RPS6KA3: variants seen among roughly 807,000 people sequenced by gnomAD.
RPS6KA3 encodes ribosomal protein S6 kinase alpha-3.
A neutral mutation model predicts 67.2 loss-of-function variants in RPS6KA3; 4 were observed. The observed-to-expected ratio is 0.06, with a 90% CI of 0.03 to 0.14. The LOEUF is 0.14. Ranked by LOEUF, RPS6KA3 falls within the 10% of genes least tolerant of loss-of-function variation. RPS6KA3 has a pLI of 1.00. For synonymous variants in RPS6KA3, 182 were observed against 183.7 expected, an observed-to-expected ratio of 0.99 and a Z score of 0.07; for missense variants, 204 against 559.0, an observed-to-expected ratio of 0.36 and a Z score of 6.40.
At chrX:20,265,394 G>C (rs1192122988) in intron 1 of RPS6KA3, 4 of 112,094 alleles carry the variant, frequency 3.6e-5, no homozygotes. Context: ...CTCACACTGC[G>C]GAGGCCGGCA....
chrX:20,187,884 C>T lies in RPS6KA3; in HGVS notation c.718G>A (p.Val240Ile), dbSNP rs1057518020. Residue 240 changes from valine (V) to isoleucine (I), a missense_variant, in exon 9 of 22, where the codon GTT becomes ATT. This residue lies in a region of RPS6KA3 where 76 missense variants were observed against 250.3 expected (regional missense o/e 0.30). Coordinates refer to ENST00000379565, the MANE Select transcript of RPS6KA3 (RefSeq NM_004586.3). ...CTCTGAGTATGACCTCGACGATTAA[C>T]TACTTCTGGAGCCATATACTCCACA... ...GTVEYMAPEV[V>I]NRRGHTQSAD... The T allele has an allele frequency of 8.3e-7, 1 of 1,204,453 alleles. No homozygotes were observed. The highest frequency in any genetic ancestry group is 1.8e-5 in the South Asian group (1 of 56,835).
intron 17 of RPS6KA3, among the ~76,000 whole-genome samples, chrX:20,165,481 G>A (rs2067411274): frequency 9.0e-6 from 1 of 111,494 alleles, no homozygotes; most frequent in Non-Finnish European, 1.9e-5. Flanking sequence ...GGGGGAAGCA[G>A]AGAATAGGTT....
chrX:20,173,344 G>C (rs2067619386), intron 14 of RPS6KA3, among the ~76,000 whole-genome samples: 1 of 112,074 alleles, frequency 8.9e-6, no homozygotes, highest in Non-Finnish European at 1.9e-5. Flanking sequence ...TTTTCTCAGA[G>C]GGTAATGGTG....
intron 2 of RPS6KA3, among the ~76,000 whole-genome samples, chrX:20,230,040 A>G (rs1203339959): frequency 8.9e-6 from 1 of 112,808 alleles, no homozygotes. Context: ...GTAAATATAT[A>G]TACTACAGAC....
chrX:20,208,727 G>C (rs2068635589), intron 3 of RPS6KA3, among the ~76,000 whole-genome samples: 1 of 111,369 alleles, frequency 9.0e-6, no homozygotes, highest in African/African-American at 3.3e-5. Flanking sequence ...CCTTCTGGAG[G>C]AATTTTCCTT....
At chrX:20,256,192 A>AG (rs1292743529) in intron 1 of RPS6KA3, among the ~76,000 whole-genome samples, 4 of 104,153 alleles carry the variant, frequency 3.8e-5, no homozygotes, top group Admixed American at 1.0e-4. Flanking sequence ...AAAAAAAAAA[A>AG]AAAAAAAGAA....
intron 7 of RPS6KA3, 147 bp from the exon 8 acceptor site, chrX:20,188,681 G>A: frequency 2.5e-6 from 1 of 406,853 alleles, no homozygotes; most frequent in Non-Finnish European, 4.4e-6. Flanking sequence ...GGCAAAGGAG[G>A]AACAAATTAT....
intron 2 of RPS6KA3, among the ~76,000 whole-genome samples, chrX:20,229,705 A>T (rs1870098045): frequency 8.9e-6 from 1 of 112,568 alleles, no homozygotes; most frequent in East Asian, 2.8e-4. Context: ...TTAAATTATA[A>T]GGTTAATAAA....
chrX:20,266,470 A>T, intron 1 of RPS6KA3, 94 bp downstream of exon 1: 1 of 735,769 alleles, frequency 1.4e-6, no homozygotes, highest in Non-Finnish European at 2.0e-6. Flanking sequence ...GAGCGGGATC[A>T]GAACGGGCCG....
intron 4 of RPS6KA3, among the ~76,000 whole-genome samples, chrX:20,203,127 T>C (rs985513357): frequency 2.7e-5 from 3 of 111,734 alleles, no homozygotes; most frequent in African/African-American, 9.8e-5. Context: ...ATAAATTACA[T>C]GTAAATTGAA....
At chrX:20,266,055 G>T (rs2070372167) in intron 1 of RPS6KA3, 1 of 111,907 alleles carries the variant, frequency 8.9e-6, no homozygotes, top group Admixed American at 9.5e-5. Context: ...CCCCCTACCC[G>T]AAACCCCCAC....
chrX:20,190,213 A>G (rs891122196), intron 7 of RPS6KA3, among the ~76,000 whole-genome samples: 1 of 111,928 alleles, frequency 8.9e-6, no homozygotes, highest in African/African-American at 3.2e-5. Flanking sequence ...ATCACTCTCA[A>G]TAAACAACAT....
rs2067604120 is a variant in RPS6KA3 at position 20,172,771 on chromosome X, G to A, written c.1328C>T (p.Ala443Val). The A allele has an allele frequency of 8.3e-7, 1 of 1,201,103 alleles. No homozygotes were observed. The highest frequency in any genetic ancestry group is 1.7e-5 in the African/African-American group (1 of 57,236). ...CTTCACTGCAAACTCCATGTTTGTA[G>A]CTTTATGTATACATCTCTTGCAAAC... The part of the protein sequence containing the change: ...YSVCKRCIHK[A>V]TNMEFAVKII... Residue 443 changes from alanine to valine, a missense_variant, in exon 15 of 22, where the codon GCT (alanine) becomes GTT (valine). Physicochemically the swap from Ala to Val is moderately conservative, Grantham distance 64. Coordinates refer to ENST00000379565, the MANE Select transcript of RPS6KA3 (RefSeq NM_004586.3).
chrX:20,206,064 G>GCT (rs374024662), intron 3 of RPS6KA3, among the ~76,000 whole-genome samples: 2 of 111,941 alleles, frequency 1.8e-5, no homozygotes, highest in African/African-American at 6.5e-5. Flanking sequence ...TTCTGCTTCT[G>GCT]CTCAGGGTGC....
At chrX:20,221,758 G>T (rs2068992038) in intron 2 of RPS6KA3, among the ~76,000 whole-genome samples, 1 of 112,512 alleles carries the variant, frequency 8.9e-6, no homozygotes, top group South Asian at 3.6e-4. Context: ...ATCTCCTATT[G>T]TTGGGTCTTT....
chrX:20,189,171 C>A (rs1019428938), intron 7 of RPS6KA3, among the ~76,000 whole-genome samples: 8 of 111,387 alleles, frequency 7.2e-5, no homozygotes, highest in African/African-American at 2.6e-4. Context: ...TTCTCCTTCC[C>A]CATACTCCTT....
At chrX:20,225,244 T>G (rs35708063) in intron 2 of RPS6KA3, among the ~76,000 whole-genome samples, 18 of 60,838 alleles carry the variant, frequency 3.0e-4, no homozygotes, top group Admixed American at 8.2e-4. Context: ...TTTTTTTTTG[T>G]TTTTTTTTTT....
upstream of RPS6KA3, chrX:20,266,993 C>T: frequency 2.7e-6 from 2 of 754,003 alleles, no homozygotes; most frequent in Non-Finnish European, 3.1e-6. Flanking sequence ...CAGCGACCGC[C>T]GCGCGCTCCC....
intron 1 of RPS6KA3, among the ~76,000 whole-genome samples, chrX:20,246,909 C>T (rs59206964): frequency 0.028 from 3,147 of 111,354 alleles, 110 homozygotes; most frequent in African/African-American, 0.093. Flanking sequence ...TACAAAGTGT[C>T]TTAGGCATGT....
Sources: gnomAD v4.1 joint callset for allele counts (sites outside exome capture counted in the v4.1 genomes callset) on GRCh38, gnomAD v4.1.1 for gene constraint, gnomAD v4.1.1 regional missense constraint, MANE v1.5 for transcripts, NCBI Gene and HGNC (gene_info 2026-07-23, HGNC 2026-07-21) for gene names.